The following SYMPK variants were observed in gnomAD, a reference collection of about 807,000 sequenced individuals.
The protein encoded by SYMPK is symplekin.
In SYMPK, 49 loss-of-function variants were observed where a neutral mutation model predicts 136.4. That is an observed-to-expected ratio of 0.36 (90% CI 0.29 to 0.46). SYMPK has a LOEUF of 0.46. Ranked by LOEUF, SYMPK falls within the 20% of genes least tolerant of loss-of-function variation. SYMPK has a pLI of 1.00. For missense variants in SYMPK, 1,365 were observed against 1,690.0 expected (o/e 0.81, Z 3.37); for synonymous variants, 766 against 713.0 (o/e 1.07, Z -1.19).
chr19:45,817,889 G>C (rs946257467), intron 23 of SYMPK, 70 bp downstream of exon 23: 14 of 1,450,494 alleles, frequency 9.7e-6, no homozygotes, highest in Admixed American at 6.7e-5. Flanking sequence ...TCAGACGGGG[G>C]AAGGGGAGGG....
Position 45,829,013 on chromosome 19 carries a change from G to A in SYMPK, c.1942C>T (p.Arg648Cys), listed in dbSNP as rs757270027. 91 of 1,614,084 alleles carry A rather than the reference G, an allele frequency of 5.6e-5. No individual in the cohort carries two copies. The highest frequency in any genetic ancestry group is 6.6e-5 in the South Asian group (6 of 91,092). Reference protein sequence around the residue: ...SLDKYEDCLIRLLSGLQEKPD... With the variant: ...SLDKYEDCLICLLSGLQEKPD... ...TTCTCCTGCAGGCCAGACAACAGGC[G>A]GATGAGGCAGTCCTCATACTTGTCC... The change falls in exon 14 of 27, where the codon CGC (arginine) becomes TGC (cysteine). Residue 648 changes from arginine (R) to cysteine (C), a missense_variant. Physicochemically the swap from Arg to Cys is radical, Grantham distance 180. Coordinates refer to ENST00000245934, the MANE Select transcript of SYMPK (RefSeq NM_004819.3).
intron 24 of SYMPK, 95 bp from the exon 25 acceptor site, chr19:45,816,672 T>A (rs1360045839): frequency 6.4e-7 from 1 of 1,554,668 alleles, no homozygotes; most frequent in African/African-American, 1.4e-5. Context: ...CCTCCAGAAC[T>A]CCCAGCAGTG....
chr19:45,860,073 T>C (rs1171213587), intron 1 of SYMPK, among the ~76,000 whole-genome samples: 1 of 150,788 alleles, frequency 6.6e-6, no homozygotes, highest in African/African-American at 2.4e-5. Context: ...TGAAGTATGA[T>C]TGGGCCACCG....
At chr19:45,835,276 A>C (rs779641970) in intron 10 of SYMPK, 48 bp from the exon 11 acceptor site, 1 of 1,515,616 alleles carries the variant, frequency 6.6e-7, no homozygotes, top group Non-Finnish European at 8.9e-7. Context: ...TTAACTCAAG[A>C]AGCATTCTTT....
intron 5 of SYMPK, 138 bp downstream of exon 5, chr19:45,852,174 G>A: frequency 1.2e-6 from 1 of 846,750 alleles, no homozygotes. Flanking sequence ...TATTTGCTGG[G>A]GAATCAGTGT....
At chr19:45,816,302 G>C (rs1970735301) in intron 25 of SYMPK, 119 bp from the exon 26 acceptor site, 1 of 1,107,488 alleles carries the variant, frequency 9.0e-7, no homozygotes, top group Non-Finnish European at 1.3e-6. Flanking sequence ...TGGGGAGGAA[G>C]GGGCAGTTGT....
Position 45,816,511 on chromosome 19 carries a change from T to C in SYMPK, c.3325A>G (p.Lys1109Glu). 6.2e-7 allele frequency: 1 copy of C among 1,613,460 alleles called. No homozygotes were observed. Among genetic ancestry groups the C allele is most frequent in the Non-Finnish European group, 8.5e-7 (1 of 1,179,958 alleles). ...TCCAAGGGCCCCGCAGGCGCCTCCT[T>C]GGCCTCTGGCTCCTGCTTGCCGCTG... ...EASGKQEPEA[K>E]EAPAGPLEED... The change falls in exon 25 of 27, where the codon AAG becomes GAG. Residue 1109 changes from lysine (K) to glutamate (E), a missense_variant. Transcript: ENST00000245934.
chr19:45,859,185 C>T (rs988224836), intron 1 of SYMPK, among the ~76,000 whole-genome samples: 7 of 152,148 alleles, frequency 4.6e-5, no homozygotes, highest in South Asian at 2.1e-4. Context: ...TACTGCCAAA[C>T]GGCCTCCCCA....
Position 45,822,835 on chromosome 19 carries a change from G to A in SYMPK, c.2712C>T (p.Ile904=). The change falls in exon 21 of 27, where the codon ATC becomes ATT. Residue 904 remains isoleucine, a synonymous_variant. Transcript: ENST00000245934. ...VLNGLEKKEV[I]QALPKLIKLN... ...GTTTGATGAGTTTAGGCAGGGCCTG[G>A]ATCACCTCTTTCTACAGGGAGAAGG... 1 of 1,613,604 alleles carries A rather than the reference G, an allele frequency of 6.2e-7. No individual in the cohort carries two copies. Among genetic ancestry groups the A allele is most frequent in the Non-Finnish European group, 8.5e-7 (1 of 1,179,638 alleles).
In SYMPK at chr19:45,829,012, C is replaced by T. The variant is rs768801652; in HGVS notation, c.1943G>A (p.Arg648His). The T allele has an allele frequency of 7.4e-6, 12 of 1,614,160 alleles. No homozygotes were observed. Among genetic ancestry groups the T allele is most frequent in the Middle Eastern group, 3.3e-4 (2 of 6,062 alleles). Residue 648 changes from arginine to histidine, a missense_variant, in exon 14 of 27, where the codon CGC becomes CAC. This residue lies in a region of SYMPK where 303 missense variants were observed against 326.6 expected (regional missense o/e 0.93). Transcript: ENST00000245934. ...SLDKYEDCLI[R>H]LLSGLQEKPD... ...TTTCTCCTGCAGGCCAGACAACAGG[C>T]GGATGAGGCAGTCCTCATACTTGTC...
intron 10 of SYMPK, among the ~76,000 whole-genome samples, chr19:45,837,510 G>A (rs542075235): frequency 2.0e-5 from 3 of 151,778 alleles, no homozygotes; most frequent in South Asian, 2.1e-4. Context: ...CCAGCTATTC[G>A]GGAGGCTGAG....
intron 9 of SYMPK, 132 bp downstream of exon 9, chr19:45,842,118 G>C (rs758382743): frequency 7.0e-7 from 1 of 1,419,260 alleles, no homozygotes; most frequent in Non-Finnish European, 9.5e-7. Flanking sequence ...ATACAGGTGT[G>C]AGCCACTGTG....
intron 17 of SYMPK, 60 bp downstream of exon 17, chr19:45,826,166 G>T: frequency 1.9e-6 from 3 of 1,547,348 alleles, no homozygotes; most frequent in Non-Finnish European, 1.8e-6. Context: ...CCCTCTGCTC[G>T]CAGGGCCCAG....
chr19:45,845,741 G>T (rs1971544649), intron 7 of SYMPK, among the ~76,000 whole-genome samples: 1 of 152,166 alleles, frequency 6.6e-6, no homozygotes, highest in Non-Finnish European at 1.5e-5. Flanking sequence ...GAATCATATG[G>T]TAGCTCAATT....
rs61203536 is a variant in SYMPK, at chr19:45,859,953, T to TA, written c.-13+3104dup. Among the ~76,000 whole-genome samples, 491 of 85,652 alleles carry TA rather than the reference T, an allele frequency of 5.7e-3. 8 individuals are homozygous for TA. The highest frequency in any genetic ancestry group is 0.026 in the Middle Eastern group (3 of 114). The allele number at this position is 85,652 out of a possible 152,430, so 56.2% of individuals were successfully genotyped here. On this transcript the variant is annotated intron_variant, in intron 1 of 26. Coordinates refer to ENST00000245934, the MANE Select transcript of SYMPK (RefSeq NM_004819.3). The stretch of plus-strand genomic sequence containing the variant: ...CTGGGAGACACGGTAAGACTCCATC[T>TA]AAAAAAAAAAAAAAAAAAAAAAAAA...
At chr19:45,828,821 G>A (rs1453154733) in intron 14 of SYMPK, 149 bp downstream of exon 14, 4 of 725,512 alleles carry the variant, frequency 5.5e-6, no homozygotes, top group Non-Finnish European at 6.9e-6. Context: ...TGCCTCCAGA[G>A]GGGGAGGAGG....
At chr19:45,845,161 G>A (rs1568621695) in intron 7 of SYMPK, among the ~76,000 whole-genome samples, 1 of 151,174 alleles carries the variant, frequency 6.6e-6, no homozygotes, top group Non-Finnish European at 1.5e-5. Flanking sequence ...CACCCAGAGT[G>A]GAAAGCAGTG....
chr19:45,817,014 A>G, intron 23 of SYMPK, 40 bp from the exon 24 acceptor site: 1 of 1,540,774 alleles, frequency 6.5e-7, no homozygotes, highest in African/African-American at 1.4e-5. Flanking sequence ...AGAGGCACAC[A>G]GGCATCCCCC....
rs534817794 is a variant in SYMPK at position 45,847,645 on chromosome 19, T to G, written c.676+107A>C. 1.5e-4 allele frequency: 204 copies of G among 1,378,426 alleles called. No individual in the cohort carries two copies. The African/African-American group carries it at 2.7e-3, about 18-fold the overall frequency. The allele number at this position is 1,378,426 out of a possible 1,614,324, so 85.4% of individuals were successfully genotyped here. A position where few individuals can be genotyped will look rare whatever the true frequency, so the allele number is the denominator to read the frequency against. ...GGGATCTTAACTACTGCACACACTG[T>G]TCCAGAAATTTAAAACCAAAAAAGA... On this transcript the variant is annotated intron_variant, in intron 7 of 26. Transcript: ENST00000245934.
Sources: allele counts gnomAD v4.1 joint callset (sites outside exome capture counted in the v4.1 genomes callset), GRCh38; gene constraint gnomAD v4.1.1; regional missense constraint gnomAD v4.1.1; transcripts MANE v1.5; gene names NCBI Gene and HGNC (gene_info 2026-07-23, HGNC 2026-07-21).